Variants in CPHXL observed in about 807,000 individuals in gnomAD.
CPHXL encodes the protein cytoplasmic polyadenylated homeobox like, also known as cytoplasmic polyadenylated homeobox-like protein.
intron 1 of CPHXL, among the ~76,000 whole-genome samples, chr16:75,722,657 G>C (rs867722516): frequency 6.6e-6 from 1 of 152,146 alleles, no homozygotes; most frequent in African/African-American, 2.4e-5. Context: ...ATTCACAGCC[G>C]AATTCTACCA....
chr16:75,721,535 T>C (rs1247457358), intron 1 of CPHXL, among the ~76,000 whole-genome samples: 2 of 152,170 alleles, frequency 1.3e-5, no homozygotes, highest in African/African-American at 2.4e-5. Context: ...AAGGGATCAA[T>C]TCAACAAGAA....
At chr16:75,722,984 A>T (rs554302143) in intron 1 of CPHXL, among the ~76,000 whole-genome samples, 294 of 152,338 alleles carry the variant, frequency 1.9e-3, no homozygotes, top group African/African-American at 6.6e-3. Flanking sequence ...ATATAAACAG[A>T]ACCAATGACA....
intron 1 of CPHXL, among the ~76,000 whole-genome samples, chr16:75,721,767 C>T (rs371031121): frequency 3.3e-5 from 5 of 152,210 alleles, no homozygotes; most frequent in Admixed American, 6.5e-5. Flanking sequence ...TAGACATCTA[C>T]AGAACTCTCC....
rs138893292 is a variant in CPHXL at position 75,717,189 on chromosome 16, C to T, written c.219+1076G>A. Among the ~76,000 whole-genome samples the T allele has an allele frequency of 2.1e-3, 319 of 152,342 alleles. 1 individual carries two copies. Among genetic ancestry groups the T allele is most frequent in the African/African-American group, 7.5e-3 (313 of 41,576 alleles). ...CAGCTAGCAAGCTGGCCCAAACCAC[C>T]GTCACCACCACTAACTACAGCAGCA... On this transcript the variant is annotated intron_variant, in intron 2 of 2. Transcript: ENST00000640559.
intron 1 of CPHXL, among the ~76,000 whole-genome samples, chr16:75,720,327 C>T (rs184829107): frequency 1.1e-4 from 16 of 152,098 alleles, no homozygotes; most frequent in Middle Eastern, 6.8e-3. Flanking sequence ...GAAGTTTGAA[C>T]CCATGGCAAA....
chr16:75,726,467 A>T lies in CPHXL; in HGVS notation c.-25T>A. On this transcript the variant is annotated 5_prime_UTR_variant, in exon 1 of 3. Transcript: ENST00000640559. Reference sequence around the variant, plus strand: ...TCTTGGGGTAGAAGACCTGGACTTCACGGAGACCAGCAAGCAACTGAGATC... The same window carrying T: ...TCTTGGGGTAGAAGACCTGGACTTCTCGGAGACCAGCAAGCAACTGAGATC... 1 of 398,658 alleles carries T rather than the reference A, an allele frequency of 2.5e-6. No homozygotes were observed. Among genetic ancestry groups the T allele is most frequent in the Non-Finnish European group, 4.4e-6 (1 of 226,086 alleles). The allele number at this position is 398,658 out of a possible 1,614,324, so 24.7% of individuals were successfully genotyped here.
Position 75,718,477 on chromosome 16 carries a change from G to C in CPHXL, c.26-19C>G, listed in dbSNP as rs955792727. On this transcript the variant is annotated intron_variant, in intron 1 of 2. Coordinates refer to ENST00000640559, the MANE Select transcript of CPHXL (RefSeq NM_001355613.1). The stretch of plus-strand genomic sequence containing the variant: ...GGGAAACCTGACAAAAGTATAAGTA[G>C]CGAGAAGGGCATTAGAGAATATTGG... 18 of 398,364 alleles carry C rather than the reference G, an allele frequency of 4.5e-5. No homozygotes were observed. The highest frequency in any genetic ancestry group is 8.0e-5 in the Non-Finnish European group (18 of 226,000). 24.7% of individuals were successfully genotyped at this position (398,364 alleles called of 1,614,324 possible).
intron 2 of CPHXL, among the ~76,000 whole-genome samples, chr16:75,715,485 T>G (rs1310015014): frequency 1.3e-5 from 2 of 152,178 alleles, no homozygotes; most frequent in African/African-American, 4.8e-5. Flanking sequence ...ATGTGAACCT[T>G]GGCTTCCCAG....
intron 2 of CPHXL, 112 bp from the exon 3 acceptor site, chr16:75,715,334 C>T (rs1199078775): frequency 2.5e-6 from 1 of 397,252 alleles, no homozygotes; most frequent in Non-Finnish European, 4.4e-6. Context: ...CAAGCAGAGT[C>T]CCTGACTTGC....
Position 75,725,447 on chromosome 16 carries a change from G to C in CPHXL, c.25+971C>G, listed in dbSNP as rs112245967. On this transcript the variant is annotated intron_variant, in intron 1 of 2. Coordinates refer to ENST00000640559, the MANE Select transcript of CPHXL (RefSeq NM_001355613.1). Reference sequence around the variant, plus strand: ...GGGACTACACATAGGCACCACTGTGGCTTCCTCTTTTTTTTTTTTTTTTGA... The same window carrying C: ...GGGACTACACATAGGCACCACTGTGCCTTCCTCTTTTTTTTTTTTTTTTGA... Among the ~76,000 whole-genome samples the C allele has an allele frequency of 1.9e-3, 279 of 150,778 alleles. 1 individual carries two copies. The highest frequency in any genetic ancestry group is 6.4e-3 in the African/African-American group (262 of 41,128).
intron 2 of CPHXL, among the ~76,000 whole-genome samples, chr16:75,716,236 A>G (rs1489066682): frequency 6.6e-6 from 1 of 152,202 alleles, no homozygotes. Flanking sequence ...AGTGCACACC[A>G]GGTGGGTGTC....
At chr16:75,725,894 C>T (rs1050948823) in intron 1 of CPHXL, among the ~76,000 whole-genome samples, 5 of 150,144 alleles carry the variant, frequency 3.3e-5, no homozygotes, top group African/African-American at 1.2e-4. Context: ...TTTAGGCATA[C>T]AGCCAGTCAT....
intron 1 of CPHXL, among the ~76,000 whole-genome samples, chr16:75,725,592 A>T (rs1456417176): frequency 1.3e-5 from 2 of 151,452 alleles, no homozygotes; most frequent in Non-Finnish European, 2.9e-5. Flanking sequence ...AGCTGGGACT[A>T]CAGGCGCCCG....
intron 1 of CPHXL, among the ~76,000 whole-genome samples, chr16:75,721,731 C>A (rs1959480120): frequency 6.6e-6 from 1 of 152,156 alleles, no homozygotes; most frequent in Non-Finnish European, 1.5e-5. Flanking sequence ...AAGAATTGAA[C>A]TCAGCTCTGC....
chr16:75,717,277 C>A (rs1959405587), intron 2 of CPHXL, among the ~76,000 whole-genome samples: 1 of 152,204 alleles, frequency 6.6e-6, no homozygotes, highest in African/African-American at 2.4e-5. Flanking sequence ...TACATACTCA[C>A]TGTATTTTCA....
intron 2 of CPHXL, among the ~76,000 whole-genome samples, chr16:75,715,845 C>G (rs1959383451): frequency 6.6e-6 from 1 of 151,546 alleles, no homozygotes; most frequent in Non-Finnish European, 1.5e-5. Context: ...TACAGGAGCA[C>G]CACCATGCCC....
At chr16:75,721,052 T>A (rs1959470001) in intron 1 of CPHXL, among the ~76,000 whole-genome samples, 1 of 152,182 alleles carries the variant, frequency 6.6e-6, no homozygotes, top group Non-Finnish European at 1.5e-5. Context: ...AAGCAAATGC[T>A]GAGAGATTTT....
chr16:75,724,187 G>T (rs1279125020), intron 1 of CPHXL, among the ~76,000 whole-genome samples: 3 of 152,108 alleles, frequency 2.0e-5, no homozygotes, highest in Non-Finnish European at 4.4e-5. Context: ...GAAAACCTAG[G>T]CAATACCATT....
intron 2 of CPHXL, among the ~76,000 whole-genome samples, chr16:75,715,542 A>T (rs1182974848): frequency 1.3e-5 from 2 of 152,170 alleles, no homozygotes; most frequent in East Asian, 3.8e-4. Context: ...GTTCTCCTGC[A>T]TGTTCACTAA....
Sources: gnomAD v4.1 joint callset for allele counts (sites outside exome capture counted in the v4.1 genomes callset) on GRCh38, gnomAD v4.1.1 for gene constraint, MANE v1.5 for transcripts, NCBI Gene and HGNC (gene_info 2026-07-23, HGNC 2026-07-21) for gene names.